The following MCF2L2 variants were observed in gnomAD, a reference collection of about 807,000 sequenced individuals.
MCF2L2 encodes MCF.2 cell line derived transforming sequence-like 2.
MCF2L2 carries 102 observed loss-of-function variants against 150.2 expected under a neutral mutation model. The ratio of observed to expected loss-of-function variants is 0.68; its 90% CI spans 0.58 to 0.80. MCF2L2 has a LOEUF of 0.80. Ranked by LOEUF, MCF2L2 falls within the 30% of genes least tolerant of loss-of-function variation. The pLI is 0.00. For synonymous variants in MCF2L2, 465 were observed against 491.3 expected, an observed-to-expected ratio of 0.95 and a Z score of 0.71; for missense variants, 1,256 against 1,372.8, an observed-to-expected ratio of 0.91 and a Z score of 1.34.
At chr3:183,203,315 TAAAGGA>T (rs1292920947) in intron 25 of MCF2L2, among the ~76,000 whole-genome samples, 3 of 152,180 alleles carry the variant, frequency 2.0e-5, no homozygotes, top group African/African-American at 7.2e-5. Flanking sequence ...TTCAAAAAGT[TAAAGGA>T]AATCATATAT....
At chr3:183,273,282 C>A in intron 15 of MCF2L2, 1 of 330,808 alleles carries the variant, frequency 3.0e-6, no homozygotes. Context: ...AATTTTATAC[C>A]AAAATGTTAA....
chr3:183,185,363 G>T (rs1002774467), intron 27 of MCF2L2, among the ~76,000 whole-genome samples: 26 of 152,244 alleles, frequency 1.7e-4, no homozygotes, highest in African/African-American at 6.0e-4. Flanking sequence ...GAACCAGGGG[G>T]TAACTAACTG....
intron 25 of MCF2L2, among the ~76,000 whole-genome samples, chr3:183,204,234 T>C (rs964242418): frequency 1.3e-5 from 2 of 152,134 alleles, no homozygotes; most frequent in African/African-American, 2.4e-5. Flanking sequence ...TTGCAAATAA[T>C]ATATCTGATA....
At position 183,192,888 on chromosome 3, in the gene MCF2L2, C is replaced by G. The variant is rs552876883; in HGVS notation, c.3016+111G>C. ...TGGTAAAATGCTTTCTTTTTTCTCC[C>G]TCATTTAACTAAAGAAGGGCTGGGC... is the stretch of plus-strand genomic sequence containing the variant. On this transcript the variant is annotated intron_variant, in intron 27 of 29. Coordinates refer to ENST00000328913, the MANE Select transcript of MCF2L2 (RefSeq NM_015078.4). 2.5e-5 allele frequency: 18 copies of G among 730,494 alleles called. No homozygotes were observed. In the South Asian group the frequency reaches 2.5e-4, roughly 10 times the overall value. 45.3% of individuals were successfully genotyped at this position (730,494 alleles called of 1,614,324 possible).
chr3:183,309,872 A>G, intron 9 of MCF2L2, 37 bp from the exon 10 acceptor site: 1 of 1,609,874 alleles, frequency 6.2e-7, no homozygotes, highest in Non-Finnish European at 8.5e-7. Flanking sequence ...AAGTAAACCA[A>G]CACTCACTCA....
At chr3:183,231,321 AT>A in intron 15 of MCF2L2, 1 of 519,044 alleles carries the variant, frequency 1.9e-6, no homozygotes, top group Non-Finnish European at 3.7e-6. Flanking sequence ...AAGAAGGGAG[AT>A]GTTGGAGTCA....
Position 183,221,947 on chromosome 3 carries a change from G to A in MCF2L2, c.2301+1399C>T, listed in dbSNP as rs186768545. ...GGAAAACTAAGGCCCAAGAGGGCAA[G>A]GTCTCATAACTGACAAATGGCAGAG... On this transcript the variant is annotated intron_variant, in intron 20 of 29. Coordinates refer to ENST00000328913, the MANE Select transcript of MCF2L2 (RefSeq NM_015078.4). Among the ~76,000 whole-genome samples, 48 of 152,306 alleles carry A rather than the reference G, an allele frequency of 3.2e-4. No individual in the cohort carries two copies. In the East Asian group the frequency reaches 6.6e-3, roughly 21 times the overall value.
intron 8 of MCF2L2, 54 bp from the exon 9 acceptor site, chr3:183,311,083 A>G: frequency 9.2e-7 from 1 of 1,087,796 alleles, no homozygotes; most frequent in Non-Finnish European, 1.4e-6. Flanking sequence ...TTCCACAGGC[A>G]TCCATATAGG....
At chr3:183,314,936 T>C (rs1729539882) in intron 7 of MCF2L2, among the ~76,000 whole-genome samples, 2 of 102,928 alleles carry the variant, frequency 1.9e-5, no homozygotes, top group African/African-American at 4.4e-5. Flanking sequence ...TTTTTTTTTT[T>C]TTTTTTTTTT....
intron 3 of MCF2L2, among the ~76,000 whole-genome samples, chr3:183,349,568 A>C (rs1336212505): frequency 6.6e-6 from 1 of 152,268 alleles, no homozygotes; most frequent in African/African-American, 2.4e-5. Flanking sequence ...CAAACACAAC[A>C]ACAATCATTC....
intron 1 of MCF2L2, among the ~76,000 whole-genome samples, chr3:183,412,835 CACTA>C (rs1440794378): frequency 2.0e-5 from 3 of 152,130 alleles, no homozygotes; most frequent in Non-Finnish European, 4.4e-5. Context: ...AGTCATTCAG[CACTA>C]ACTATGATGT....
intron 21 of MCF2L2, among the ~76,000 whole-genome samples, chr3:183,218,406 G>T (rs1289846135): frequency 2.0e-5 from 3 of 152,044 alleles, no homozygotes; most frequent in Non-Finnish European, 2.9e-5. Context: ...GAGGCCGAGG[G>T]GGGGAGTGGA....
chr3:183,206,116 C>A lies in MCF2L2; in HGVS notation c.2805+6G>T. 1.9e-6 allele frequency: 3 copies of A among 1,613,236 alleles called. No homozygotes were observed. The highest frequency in any genetic ancestry group is 2.5e-6 in the Non-Finnish European group (3 of 1,179,254). The stretch of plus-strand genomic sequence containing the variant: ...AGGAGACCCATGGGGAAGGCATGAG[C>A]GTTACCTGCAGGATGTATTTCTCAA... On this transcript the variant is annotated splice_donor_region_variant and intron_variant, in intron 24 of 29. Coordinates refer to ENST00000328913, the MANE Select transcript of MCF2L2 (RefSeq NM_015078.4).
At chr3:183,404,645 G>A (rs1484838017) in intron 1 of MCF2L2, among the ~76,000 whole-genome samples, 4 of 152,142 alleles carry the variant, frequency 2.6e-5, no homozygotes, top group East Asian at 1.9e-4. Context: ...GGTGGATCAC[G>A]AGGTCAGGTG....
At chr3:183,337,120 C>A (rs1487952383) in intron 5 of MCF2L2, among the ~76,000 whole-genome samples, 1 of 152,050 alleles carries the variant, frequency 6.6e-6, no homozygotes, top group Non-Finnish European at 1.5e-5. Context: ...TTTTTTATTG[C>A]TTAATGGTAT....
intron 12 of MCF2L2, 192 bp downstream of exon 12, chr3:183,296,784 C>G (rs899467597): frequency 5.3e-6 from 3 of 565,858 alleles, no homozygotes; most frequent in Middle Eastern, 4.6e-4. Context: ...TGATTTGAGT[C>G]AGACGAAGAC....
intron 11 of MCF2L2, chr3:183,297,477 G>T: frequency 3.7e-6 from 1 of 270,676 alleles, no homozygotes; most frequent in Non-Finnish European, 7.2e-6. Context: ...ATTAAAGACA[G>T]GGTTTCACTC....
intron 9 of MCF2L2, among the ~76,000 whole-genome samples, chr3:183,310,056 G>T (rs1015227111): frequency 1.3e-5 from 2 of 152,040 alleles, no homozygotes; most frequent in African/African-American, 2.4e-5. Context: ...ATATTCAACA[G>T]ATAATCAATC....
chr3:183,248,359 ATCTC>A (rs886540156), intron 15 of MCF2L2, among the ~76,000 whole-genome samples: 7 of 152,256 alleles, frequency 4.6e-5, no homozygotes, highest in Non-Finnish European at 7.4e-5. Flanking sequence ...TATAAGGAAA[ATCTC>A]AGCATAGCAA....
Sources: allele counts gnomAD v4.1 joint callset (sites outside exome capture counted in the v4.1 genomes callset), GRCh38; gene constraint gnomAD v4.1.1; transcripts MANE v1.5; gene names NCBI Gene and HGNC (gene_info 2026-07-23, HGNC 2026-07-21).